MELK: variants seen among roughly 807,000 people sequenced by gnomAD.
The protein encoded by MELK is pEg3 kinase.
A neutral mutation model predicts 85.0 loss-of-function variants in MELK; 81 were observed. That is an observed-to-expected ratio of 0.95 (90% confidence interval 0.80 to 1.15). The LOEUF is 1.15. Ranked by LOEUF, MELK falls within the 50% of genes most tolerant of loss-of-function variation. MELK has a pLI of 0.00. For missense variants in MELK, 754 were observed against 777.5 expected (o/e 0.97, Z 0.36); for synonymous variants, 252 against 265.0 (o/e 0.95, Z 0.48).
chr9:36,608,583 TTC>T (rs989556065), intron 8 of MELK, among the ~76,000 whole-genome samples: 7 of 150,534 alleles, frequency 4.7e-5, no homozygotes, highest in African/African-American at 1.5e-4. Flanking sequence ...TTATACAAAC[TTC>T]TTTTTTTTTT....
intron 4 of MELK, among the ~76,000 whole-genome samples, chr9:36,594,290 C>T (rs1823945750): frequency 1.3e-5 from 2 of 152,156 alleles, no homozygotes; most frequent in African/African-American, 2.4e-5. Context: ...CAGGTAATTA[C>T]ACTGAATGAG....
intron 13 of MELK, among the ~76,000 whole-genome samples, chr9:36,661,644 T>C (rs1831826507): frequency 6.6e-6 from 1 of 152,016 alleles, no homozygotes; most frequent in Non-Finnish European, 1.5e-5. Context: ...TCTTTAAAAA[T>C]AACATAGCTA....
intron 1 of MELK, among the ~76,000 whole-genome samples, chr9:36,577,729 G>A (rs113131892): frequency 4.6e-5 from 7 of 152,128 alleles, no homozygotes; most frequent in African/African-American, 1.7e-4. Flanking sequence ...TCGGCTCACC[G>A]CAACCTCTGC....
chr9:36,611,856 T>C (rs1482712703), intron 8 of MELK, among the ~76,000 whole-genome samples: 1 of 151,698 alleles, frequency 6.6e-6, no homozygotes, highest in African/African-American at 2.4e-5. Context: ...CACTGCACCC[T>C]CCACCTCCCA....
chr9:36,577,380 T>G (rs966895983), intron 1 of MELK, among the ~76,000 whole-genome samples: 56 of 151,946 alleles, frequency 3.7e-4, no homozygotes, highest in Admixed American at 2.3e-3. Flanking sequence ...GGGTATGGTG[T>G]TGTTGTTCGC....
intron 11 of MELK, among the ~76,000 whole-genome samples, chr9:36,651,181 A>G (rs1000813203): frequency 6.6e-6 from 1 of 152,168 alleles, no homozygotes; most frequent in Non-Finnish European, 1.5e-5. Context: ...CAATTAAAAG[A>G]TTAATAATTG....
chr9:36,613,262 C>G (rs976053354), intron 8 of MELK, among the ~76,000 whole-genome samples: 2 of 152,238 alleles, frequency 1.3e-5, no homozygotes, highest in South Asian at 4.1e-4. Flanking sequence ...CAAATGTTCT[C>G]TAATCAGAAA....
chr9:36,589,409 A>C (rs937257478), intron 3 of MELK, 127 bp from the exon 4 acceptor site: 2 of 676,190 alleles, frequency 3.0e-6, no homozygotes, highest in African/African-American at 1.8e-5. Flanking sequence ...CGGCCTCCCA[A>C]AGTGCGGGAT....
At chr9:36,595,615 T>G (rs1824141139) in intron 5 of MELK, among the ~76,000 whole-genome samples, 1 of 149,382 alleles carries the variant, frequency 6.7e-6, no homozygotes, top group East Asian at 2.0e-4. Flanking sequence ...GTTTTTTTTT[T>G]TTTTTTTTTA....
At chr9:36,592,597 G>A (rs1424581432) in intron 4 of MELK, among the ~76,000 whole-genome samples, 1 of 152,044 alleles carries the variant, frequency 6.6e-6, no homozygotes, top group Non-Finnish European at 1.5e-5. Context: ...CACACACATG[G>A]TGTGACACAA....
At chr9:36,667,530 ACT>A (rs1832497673) in intron 14 of MELK, among the ~76,000 whole-genome samples, 2 of 152,074 alleles carry the variant, frequency 1.3e-5, no homozygotes, top group East Asian at 1.9e-4. Context: ...TTTTTGTGTA[ACT>A]CTGAAGGTTT....
chr9:36,659,878 C>T (rs946724040), intron 13 of MELK, among the ~76,000 whole-genome samples: 4 of 152,230 alleles, frequency 2.6e-5, no homozygotes, highest in Non-Finnish European at 4.4e-5. Flanking sequence ...CAGTTCACTG[C>T]GATTTTCGCC....
intron 1 of MELK, among the ~76,000 whole-genome samples, 159 bp from the exon 2 acceptor site, chr9:36,581,485 G>A (rs756930036): frequency 2.0e-5 from 3 of 151,944 alleles, no homozygotes; most frequent in Non-Finnish European, 4.4e-5. Flanking sequence ...TCATTTTTAT[G>A]TATGGTGTGA....
At chr9:36,662,786 C>CT (rs796250953) in intron 13 of MELK, among the ~76,000 whole-genome samples, 10 of 152,256 alleles carry the variant, frequency 6.6e-5, no homozygotes, top group African/African-American at 2.4e-4. Context: ...CCTTTTTAGT[C>CT]TGTCTTTTCT....
At chr9:36,647,484 TTC>T (rs1830316085) in intron 11 of MELK, among the ~76,000 whole-genome samples, 2 of 151,416 alleles carry the variant, frequency 1.3e-5, no homozygotes, top group East Asian at 3.9e-4. Context: ...TTTCTTTTCT[TTC>T]TTTCTTTCTT....
chr9:36,587,954 G>A (rs1243268046), intron 3 of MELK, among the ~76,000 whole-genome samples: 3 of 149,942 alleles, frequency 2.0e-5, no homozygotes, highest in African/African-American at 7.4e-5. Context: ...TTTTATTAGA[G>A]ATGGGTTTTC....
intron 8 of MELK, among the ~76,000 whole-genome samples, chr9:36,618,762 A>G (rs1273055823): frequency 6.6e-6 from 1 of 152,174 alleles, no homozygotes; most frequent in African/African-American, 2.4e-5. Context: ...TGCTCCTGTA[A>G]AGCACTGCTT....
At chr9:36,603,821 G>T (rs7031591) in intron 7 of MELK, among the ~76,000 whole-genome samples, 5,235 of 152,172 alleles carry the variant, frequency 0.034, 297 homozygotes, top group African/African-American at 0.12. Flanking sequence ...CGAAGTAAAG[G>T]TACTTTCAGT....
intron 16 of MELK, among the ~76,000 whole-genome samples, chr9:36,671,805 C>T (rs1172560782): frequency 6.6e-6 from 1 of 152,134 alleles, no homozygotes; most frequent in Non-Finnish European, 1.5e-5. Context: ...AGCATTCATT[C>T]AAACATCTGA....
Sources: gnomAD v4.1 joint callset for allele counts (sites outside exome capture counted in the v4.1 genomes callset) on GRCh38, gnomAD v4.1.1 for gene constraint, MANE v1.5 for transcripts, NCBI Gene and HGNC (gene_info 2026-07-23, HGNC 2026-07-21) for gene names.